The following SEMA6D variants were observed in gnomAD, a reference collection of about 807,000 sequenced individuals.
The protein encoded by SEMA6D is semaphorin-6D.
A neutral mutation model predicts 106.6 loss-of-function variants in SEMA6D; 35 were observed. The observed-to-expected ratio is 0.33, with a 90% CI of 0.25 to 0.44. The LOEUF (loss-of-function observed/expected upper bound fraction) is 0.44. SEMA6D is among the 20% of genes least tolerant of loss of function. The pLI is 1.00. For missense variants in SEMA6D, 1,185 were observed against 1,345.9 expected, an observed-to-expected ratio of 0.88 and a Z score of 1.87; for synonymous variants, 499 against 487.7, an observed-to-expected ratio of 1.02 and a Z score of -0.31.
At chr15:47,538,931 T>G (rs2045266599) in intron 3 of SEMA6D, among the ~76,000 whole-genome samples, 1 of 152,118 alleles carries the variant, frequency 6.6e-6, no homozygotes, top group Non-Finnish European at 1.5e-5. Flanking sequence ...GGAAATAATT[T>G]GCCTGGTATG....
At chr15:47,728,145 A>T (rs998321976) in intron 1 of SEMA6D, among the ~76,000 whole-genome samples, 51 of 152,136 alleles carry the variant, frequency 3.4e-4, no homozygotes, top group African/African-American at 1.2e-3. Flanking sequence ...GATGCCCTGT[A>T]CTCCAGCCCT....
chr15:47,308,234 C>T (rs1318543138), intron 1 of SEMA6D, among the ~76,000 whole-genome samples: 1 of 152,102 alleles, frequency 6.6e-6, no homozygotes, highest in Non-Finnish European at 1.5e-5. Context: ...TGTTCAAATT[C>T]CAGCTCTGCC....
At chr15:47,453,860 C>T (rs1189774605) in intron 2 of SEMA6D, among the ~76,000 whole-genome samples, 1 of 151,876 alleles carries the variant, frequency 6.6e-6, no homozygotes, top group Non-Finnish European at 1.5e-5. Context: ...TCCCAAACAC[C>T]TCGAAAAAGG....
At chr15:47,735,321 T>A (rs1219642950) in intron 1 of SEMA6D, among the ~76,000 whole-genome samples, 1 of 152,126 alleles carries the variant, frequency 6.6e-6, no homozygotes, top group African/African-American at 2.4e-5. Context: ...ATATCTGTTC[T>A]CCAGTGACCC....
intron 3 of SEMA6D, among the ~76,000 whole-genome samples, chr15:47,535,130 CAAT>C (rs1276311376): frequency 1.4e-5 from 2 of 147,436 alleles, no homozygotes; most frequent in Admixed American, 6.8e-5. Context: ...CAAAAAACAA[CAAT>C]GAGATGACAG....
chr15:47,218,991 A>G (rs1433571798), intron 1 of SEMA6D, among the ~76,000 whole-genome samples: 3 of 152,166 alleles, frequency 2.0e-5, no homozygotes, highest in Non-Finnish European at 2.9e-5. Context: ...AATGACTTCT[A>G]TATCTTATTT....
At chr15:47,406,008 C>T (rs1027100342) in intron 1 of SEMA6D, among the ~76,000 whole-genome samples, 1 of 152,216 alleles carries the variant, frequency 6.6e-6, no homozygotes, top group Non-Finnish European at 1.5e-5. Flanking sequence ...GCAAGGAGAC[C>T]TGAGAACTGC....
chr15:47,294,108 C>T (rs776860446), intron 1 of SEMA6D, among the ~76,000 whole-genome samples: 88 of 151,894 alleles, frequency 5.8e-4, no homozygotes, highest in Non-Finnish European at 9.3e-4. Flanking sequence ...TCTAAAAGTA[C>T]TTTTCAGAGC....
chr15:47,773,198 A>G lies in SEMA6D; in HGVS notation c.*1413A>G, dbSNP rs1392589643. The G allele has an allele frequency of 1.3e-5, 2 of 152,640 alleles. No individual in the cohort carries two copies. The highest frequency in any genetic ancestry group is 4.8e-5 in the African/African-American group (2 of 41,448). 9.5% of individuals were successfully genotyped at this position (152,640 alleles called of 1,614,324 possible). A position where few individuals can be genotyped will look rare whatever the true frequency, so the allele number is the denominator to read the frequency against. ...CCAGCACCTAAAAAGACTCTTTTCA[A>G]AAAATCACAGAAACAACCTAGGACA... On this transcript the variant is annotated 3_prime_UTR_variant, in exon 19 of 19. Transcript: ENST00000536845.
intron 1 of SEMA6D, among the ~76,000 whole-genome samples, chr15:47,254,872 G>GTTTTTT (rs1239809002): frequency 4.5e-4 from 20 of 44,082 alleles, no homozygotes; most frequent in African/African-American, 1.6e-3. Context: ...TTGACCTGTG[G>GTTTTTT]TTTTGTGTGT....
At chr15:47,580,647 A>G (rs1169300103) in intron 3 of SEMA6D, among the ~76,000 whole-genome samples, 1 of 152,188 alleles carries the variant, frequency 6.6e-6, no homozygotes, top group Non-Finnish European at 1.5e-5. Context: ...CATTTATTCA[A>G]CAATTATTGA....
intron 3 of SEMA6D, among the ~76,000 whole-genome samples, chr15:47,596,374 T>G (rs2076536174): frequency 6.6e-6 from 1 of 151,990 alleles, no homozygotes; most frequent in Non-Finnish European, 1.5e-5. Context: ...AATATATAGA[T>G]TTGAAGAAAT....
intron 1 of SEMA6D, among the ~76,000 whole-genome samples, chr15:47,326,491 G>A (rs1043100793): frequency 1.3e-5 from 2 of 152,206 alleles, no homozygotes; most frequent in Non-Finnish European, 2.9e-5. Context: ...CAAATGTGAA[G>A]CACATCTTTC....
chr15:47,546,328 C>G lies in SEMA6D; in HGVS notation c.-86-54537C>G, dbSNP rs563913730. On this transcript the variant is annotated intron_variant, in intron 3 of 19. Transcript: ENST00000558014. ...GACTCAATAAATTATCAATGTTTCC[C>G]AAGATTATACAAGTAGAAAGTAATA... is the stretch of plus-strand genomic sequence containing the variant. Among the ~76,000 whole-genome samples the G allele has an allele frequency of 1.7e-3, 253 of 152,162 alleles. 1 individual carries two copies. The highest frequency in any genetic ancestry group is 5.9e-3 in the African/African-American group (247 of 41,536).
rs140059450 is a variant in SEMA6D at position 47,717,893 on chromosome 15, T to C, written c.-55+201T>C. ...GTGTGTGTGTGTTGCCACTGGACAG[T>C]TGATTTATTTTCCAAGCTGCTCTCT... On this transcript the variant is annotated intron_variant, in intron 1 of 18. Coordinates refer to ENST00000536845, the MANE Select transcript of SEMA6D (RefSeq NM_001358351.3). Among the ~76,000 whole-genome samples, 364 of 142,312 alleles carry C rather than the reference T, an allele frequency of 2.6e-3. 2 individuals are homozygous for C. Among genetic ancestry groups the C allele is most frequent in the African/African-American group, 9.0e-3 (353 of 39,396 alleles). 93.4% of individuals were successfully genotyped at this position (142,312 alleles called of 152,430 possible). A position where few individuals can be genotyped will look rare whatever the true frequency, so the allele number is the denominator to read the frequency against.
At chr15:47,541,740 T>G (rs1428049565) in intron 3 of SEMA6D, among the ~76,000 whole-genome samples, 1 of 152,180 alleles carries the variant, frequency 6.6e-6, no homozygotes, top group East Asian at 1.9e-4. Context: ...TCAAGGGTGT[T>G]GCTGTTTTAT....
chr15:47,691,207 C>G (rs1345037618), intron 4 of SEMA6D, among the ~76,000 whole-genome samples: 3 of 152,142 alleles, frequency 2.0e-5, no homozygotes, highest in African/African-American at 7.2e-5. Flanking sequence ...TGTAAAGTTA[C>G]TATTTTTCCC....
At chr15:47,594,115 G>A (rs1416896405) in intron 3 of SEMA6D, among the ~76,000 whole-genome samples, 1 of 152,204 alleles carries the variant, frequency 6.6e-6, no homozygotes, top group Admixed American at 6.5e-5. Flanking sequence ...TGCAGCAAGA[G>A]GGACAGATGC....
chr15:47,295,938 T>C (rs2035786415), intron 1 of SEMA6D, among the ~76,000 whole-genome samples: 1 of 152,194 alleles, frequency 6.6e-6, no homozygotes, highest in Non-Finnish European at 1.5e-5. Flanking sequence ...TGCCCAGTGC[T>C]GCCTCCATGA....
Sources: gnomAD v4.1 joint callset for allele counts (sites outside exome capture counted in the v4.1 genomes callset) on GRCh38, gnomAD v4.1.1 for gene constraint, MANE v1.5 for transcripts, NCBI Gene and HGNC (gene_info 2026-07-23, HGNC 2026-07-21) for gene names.